Variants in CTNNA2 observed in about 807,000 individuals in gnomAD.
The protein encoded by CTNNA2 is catenin alpha 2, also known as catenin alpha-2.
Under a neutral mutation model 101.0 loss-of-function variants are expected in CTNNA2, and 42 were observed. That is an observed-to-expected ratio of 0.42 (90% confidence interval 0.32 to 0.54). The LOEUF (loss-of-function observed/expected upper bound fraction) is 0.54, where lower values mean the gene tolerates loss of function less well. Ranked by LOEUF, CTNNA2 falls within the 20% of genes least tolerant of loss-of-function variation. CTNNA2 has a pLI of 0.14. For synonymous variants in CTNNA2, 450 were observed against 456.4 expected (o/e 0.99, Z 0.18); for missense variants, 871 against 1,223.1 (o/e 0.71, Z 4.29).
chr2:79,507,383 G>C (rs1671435795), intron 5 of CTNNA2, among the ~76,000 whole-genome samples: 1 of 152,068 alleles, frequency 6.6e-6, no homozygotes, highest in African/African-American at 2.4e-5. Flanking sequence ...ATTACTGAGG[G>C]TGTGGTGAGT....
At chr2:79,300,710 A>G (rs116209313) in intron 2 of CTNNA2, among the ~76,000 whole-genome samples, 1,860 of 151,920 alleles carry the variant, frequency 0.012, 42 homozygotes, top group African/African-American at 0.042. Context: ...ACTAGTTCAG[A>G]CTCTCATCAT....
At chr2:80,606,414 C>CA (rs1558638318) in intron 16 of CTNNA2, among the ~76,000 whole-genome samples, 2,554 of 51,464 alleles carry the variant, frequency 0.05, 30 homozygotes, top group African/African-American at 0.11. Flanking sequence ...ACACACACAC[C>CA]CCCCAGGATA....
chr2:79,206,541 C>T (rs1410879201), intron 2 of CTNNA2, among the ~76,000 whole-genome samples: 2 of 152,188 alleles, frequency 1.3e-5, no homozygotes, highest in Non-Finnish European at 2.9e-5. Context: ...TTCTTCTCCT[C>T]TCCTTTCTCA....
chr2:79,704,424 T>C (rs1685211031), intron 2 of CTNNA2, among the ~76,000 whole-genome samples: 1 of 152,178 alleles, frequency 6.6e-6, no homozygotes, highest in East Asian at 1.9e-4. Context: ...CGTGATCTTT[T>C]CAAATCTCAA....
intron 7 of CTNNA2, among the ~76,000 whole-genome samples, chr2:80,105,328 G>C (rs548315029): frequency 6.6e-6 from 1 of 152,200 alleles, no homozygotes; most frequent in South Asian, 2.1e-4. Context: ...AAATGCTCTA[G>C]TGAATTACTT....
chr2:80,321,422 T>C (rs1445220990), intron 7 of CTNNA2, among the ~76,000 whole-genome samples: 3 of 152,158 alleles, frequency 2.0e-5, no homozygotes, highest in Non-Finnish European at 4.4e-5. Context: ...ACAGTGTATA[T>C]TGAACGGAGT....
chr2:79,436,152 A>T (rs1450639994), intron 4 of CTNNA2, among the ~76,000 whole-genome samples: 2 of 152,184 alleles, frequency 1.3e-5, no homozygotes, highest in East Asian at 3.9e-4. Context: ...AACACTGATC[A>T]CGGATATGAA....
At chr2:79,391,009 A>G (rs1302414544) in intron 4 of CTNNA2, among the ~76,000 whole-genome samples, 1 of 152,180 alleles carries the variant, frequency 6.6e-6, no homozygotes, top group Non-Finnish European at 1.5e-5. Context: ...AAAGAGAGGA[A>G]AGTAGAAAAG....
intron 6 of CTNNA2, among the ~76,000 whole-genome samples, chr2:79,884,152 G>A (rs1683659425): frequency 6.6e-6 from 1 of 152,040 alleles, no homozygotes; most frequent in Non-Finnish European, 1.5e-5. Flanking sequence ...CTAACATTTA[G>A]CTTTCTATTT....
chr2:80,022,043 C>A (rs911718106), intron 7 of CTNNA2, among the ~76,000 whole-genome samples: 9 of 152,258 alleles, frequency 5.9e-5, no homozygotes, highest in Middle Eastern at 6.8e-3. Flanking sequence ...CCTCCAATAT[C>A]CTAGATCTTG....
At chr2:79,307,965 A>G (rs1676284316) in intron 2 of CTNNA2, among the ~76,000 whole-genome samples, 1 of 152,170 alleles carries the variant, frequency 6.6e-6, no homozygotes, top group Non-Finnish European at 1.5e-5. Context: ...CTGATGATTA[A>G]TGATGTTGAG....
chr2:79,818,787 G>A (rs1412961933), intron 3 of CTNNA2, among the ~76,000 whole-genome samples: 2 of 134,942 alleles, frequency 1.5e-5, no homozygotes, highest in African/African-American at 5.7e-5. Context: ...TTGCTGCAAA[G>A]TCTGTATCAT....
intron 7 of CTNNA2, among the ~76,000 whole-genome samples, chr2:80,312,241 G>T (rs868385889): frequency 6.6e-6 from 1 of 152,214 alleles, no homozygotes; most frequent in South Asian, 2.1e-4. Context: ...TACTCCTTAC[G>T]CAGGTAGCCC....
At chr2:80,513,706 A>G (rs905598733) in intron 9 of CTNNA2, among the ~76,000 whole-genome samples, 4 of 152,210 alleles carry the variant, frequency 2.6e-5, no homozygotes, top group East Asian at 1.9e-4. Context: ...CGCATAATTT[A>G]TCTTCCCAAA....
At chr2:80,618,378 G>A (rs964246638) in intron 17 of CTNNA2, among the ~76,000 whole-genome samples, 16 of 151,430 alleles carry the variant, frequency 1.1e-4, no homozygotes, top group Admixed American at 2.0e-4. Context: ...TTTGATACAC[G>A]CAGAAAAAGT....
At chr2:79,341,060 A>T (rs1186163829) in intron 3 of CTNNA2, among the ~76,000 whole-genome samples, 1 of 152,036 alleles carries the variant, frequency 6.6e-6, no homozygotes, top group Non-Finnish European at 1.5e-5. Flanking sequence ...TCTTCACAAC[A>T]AACCTAGAAA....
chr2:79,735,245 A>T (rs886484034), intron 2 of CTNNA2, among the ~76,000 whole-genome samples: 8 of 152,166 alleles, frequency 5.3e-5, no homozygotes, highest in Non-Finnish European at 1.2e-4. Flanking sequence ...AGAGACTGGA[A>T]AAAATATTAG....
chr2:79,726,323 C>G (rs1306521110), intron 2 of CTNNA2, among the ~76,000 whole-genome samples: 1 of 152,106 alleles, frequency 6.6e-6, no homozygotes, highest in Admixed American at 6.5e-5. Context: ...TGGTTTAATG[C>G]AGAAGTCCCC....
intron 3 of CTNNA2, among the ~76,000 whole-genome samples, chr2:79,347,999 G>A (rs1476029506): frequency 6.6e-6 from 1 of 151,962 alleles, no homozygotes; most frequent in African/African-American, 2.4e-5. Context: ...AGTTGTCACT[G>A]GAAGGACTTG....
Sources: gnomAD v4.1 joint callset for allele counts (sites outside exome capture counted in the v4.1 genomes callset) on GRCh38, gnomAD v4.1.1 for gene constraint, MANE v1.5 for transcripts, NCBI Gene and HGNC (gene_info 2026-07-23, HGNC 2026-07-21) for gene names.